Variants in MAP2K3 observed in about 807,000 individuals in gnomAD.
MAP2K3 encodes the protein dual specificity mitogen-activated protein kinase kinase 3.
In MAP2K3, 30 loss-of-function variants were observed where a neutral mutation model predicts 46.4. That is an observed-to-expected ratio of 0.65 (90% CI 0.48 to 0.88). The LOEUF (loss-of-function observed/expected upper bound fraction) is 0.88, where lower values mean the gene tolerates loss of function less well. Among genes scored for constraint, MAP2K3 ranks in the 40% least tolerant of loss-of-function variants. MAP2K3 has a pLI of 0.00. For synonymous variants in MAP2K3, 189 were observed against 176.3 expected, an observed-to-expected ratio of 1.07 and a Z score of -0.57; for missense variants, 380 against 464.5, an observed-to-expected ratio of 0.82 and a Z score of 1.67.
chr17:21,287,914 C>G (rs932856606), intron 1 of MAP2K3: 5 of 665,150 alleles, frequency 7.5e-6, no homozygotes, highest in South Asian at 7.5e-5. Context: ...GCTGTGGCCA[C>G]CCCCCCAACC....
At chr17:21,312,331 A>G (rs73302034) in intron 10 of MAP2K3, 50 bp downstream of exon 10, 3 of 1,518,632 alleles carry the variant, frequency 2.0e-6, no homozygotes, top group Non-Finnish European at 2.6e-6. Flanking sequence ...CCCTGGCCAG[A>G]TCCCTGCACC....
chr17:21,299,906 C>A (rs534388933), intron 3 of MAP2K3, among the ~76,000 whole-genome samples: 9 of 152,398 alleles, frequency 5.9e-5, no homozygotes, highest in Admixed American at 3.9e-4. Flanking sequence ...CGCTTGAACC[C>A]AGGAGGTGGA....
At chr17:21,285,032 C>T in intron 1 of MAP2K3, 63 bp downstream of exon 1, 1 of 1,561,266 alleles carries the variant, frequency 6.4e-7, no homozygotes, top group Non-Finnish European at 8.7e-7. Flanking sequence ...GGGCTGCAAA[C>T]CCCGACCTTT....
intron 7 of MAP2K3, among the ~76,000 whole-genome samples, chr17:21,303,512 G>C (rs1306208470): frequency 6.6e-6 from 1 of 152,310 alleles, no homozygotes; most frequent in Non-Finnish European, 1.5e-5. Context: ...CTCCAGCATA[G>C]AGTGCATATA....
At chr17:21,288,171 G>A in intron 1 of MAP2K3, 1 of 1,124,396 alleles carries the variant, frequency 8.9e-7, no homozygotes, top group Non-Finnish European at 1.2e-6. Flanking sequence ...GGCGATGCCT[G>A]CCAGCCTGGT....
At chr17:21,307,550 G>C (rs1277036037) in intron 9 of MAP2K3, among the ~76,000 whole-genome samples, 1 of 151,904 alleles carries the variant, frequency 6.6e-6, no homozygotes, top group African/African-American at 2.4e-5. Flanking sequence ...CAGAGGAGAG[G>C]GAGGGAGGGT....
intron 3 of MAP2K3, among the ~76,000 whole-genome samples, 176 bp downstream of exon 3, chr17:21,299,102 A>T (rs1315971043): frequency 6.6e-6 from 1 of 152,290 alleles, no homozygotes; most frequent in Non-Finnish European, 1.5e-5. Flanking sequence ...CCACTCTTTG[A>T]CCCTCCTGGT....
intron 9 of MAP2K3, among the ~76,000 whole-genome samples, chr17:21,308,767 A>G (rs570572915): frequency 3.9e-5 from 6 of 152,286 alleles, no homozygotes; most frequent in African/African-American, 1.2e-4. Context: ...GCTCATGACT[A>G]CCTCACACAT....
intron 1 of MAP2K3, among the ~76,000 whole-genome samples, chr17:21,290,702 GC>G (rs1360029150): frequency 1.3e-5 from 2 of 152,430 alleles, no homozygotes; most frequent in East Asian, 3.8e-4. Context: ...ATAAATCCCA[GC>G]CTTTGGGAGG....
At chr17:21,285,071 C>A in intron 1 of MAP2K3, 102 bp downstream of exon 1, 2 of 1,466,150 alleles carry the variant, frequency 1.4e-6, no homozygotes, top group Non-Finnish European at 1.8e-6. Context: ...CTGTTCTCGA[C>A]CTGGCAGCGG....
At chr17:21,303,152 G>A (rs574314646) in intron 6 of MAP2K3, 31 bp from the exon 7 acceptor site, 313 of 1,613,902 alleles carry the variant, frequency 1.9e-4, no homozygotes, top group Admixed American at 3.0e-4. Context: ...ACAGAGTCCT[G>A]TCTCTTCCCT....
At chr17:21,302,017 T>G in intron 5 of MAP2K3, 126 bp from the exon 6 acceptor site, 1 of 905,372 alleles carries the variant, frequency 1.1e-6, no homozygotes, top group Admixed American at 1.9e-5. Context: ...CGGTGAACTG[T>G]GGCTGAGTGG....
intron 1 of MAP2K3, chr17:21,291,378 CG>C: frequency 2.5e-5 from 1 of 40,326 alleles, no homozygotes; most frequent in Admixed American, 3.5e-4. Context: ...CAACACAACA[CG>C]TAGTGATAAC....
At chr17:21,300,471 G>T (rs929499130) in intron 3 of MAP2K3, 74 bp from the exon 4 acceptor site, 2 of 1,447,312 alleles carry the variant, frequency 1.4e-6, no homozygotes, top group Non-Finnish European at 1.9e-6. Context: ...TGCTGCCCAG[G>T]TATCTCCACT....
intron 1 of MAP2K3, chr17:21,298,202 C>T (rs1976370310): frequency 1.3e-6 from 1 of 763,856 alleles, no homozygotes; most frequent in East Asian, 2.4e-5. Context: ...GCCTCCAGGC[C>T]TGGGTCTGTC....
intron 1 of MAP2K3, among the ~76,000 whole-genome samples, chr17:21,286,604 C>T (rs1975730214): frequency 6.6e-6 from 1 of 152,212 alleles, no homozygotes; most frequent in Non-Finnish European, 1.5e-5. Context: ...GCTTGGGAAC[C>T]AGGAAATCAG....
At chr17:21,293,975 G>A (rs1055495336) in intron 1 of MAP2K3, among the ~76,000 whole-genome samples, 4 of 152,426 alleles carry the variant, frequency 2.6e-5, no homozygotes, top group South Asian at 4.1e-4. Flanking sequence ...TGGCAGTGGC[G>A]TCTGCAGTAC....
At position 21,314,323 on chromosome 17, in the gene MAP2K3, C is replaced by G; in HGVS notation, c.*93C>G. On this transcript the variant is annotated 3_prime_UTR_variant, in exon 12 of 12. Transcript: ENST00000342679. The stretch of plus-strand genomic sequence containing the variant: ...ACCCACACCATAAGCTACTGCCATC[C>G]TGGCCCAGGGCATCTGGGAGGAACC... The G allele has an allele frequency of 3.4e-6, 4 of 1,170,986 alleles. No homozygotes were observed. The highest frequency in any genetic ancestry group is 2.4e-5 in the South Asian group (2 of 81,762). The allele number at this position is 1,170,986 out of a possible 1,614,324, so 72.5% of individuals were successfully genotyped here. A position where few individuals can be genotyped will look rare whatever the true frequency, so the allele number is the denominator to read the frequency against.
At chr17:21,296,298 G>A (rs1274272427) in intron 1 of MAP2K3, 1 of 826,216 alleles carries the variant, frequency 1.2e-6, no homozygotes, top group Admixed American at 2.4e-5. Flanking sequence ...CAGAGCTGGA[G>A]TTTACCACGG....
Sources: allele counts gnomAD v4.1 joint callset (sites outside exome capture counted in the v4.1 genomes callset), GRCh38; gene constraint gnomAD v4.1.1; transcripts MANE v1.5; gene names NCBI Gene and HGNC (gene_info 2026-07-23, HGNC 2026-07-21).